Variants in JADE2 observed in about 807,000 individuals in gnomAD.
The protein encoded by JADE2 is E3 ubiquitin-protein ligase Jade-2.
JADE2 carries 13 observed loss-of-function variants against 85.7 expected under a neutral mutation model. The observed-to-expected ratio is 0.15, with a 90% CI of 0.10 to 0.24. The LOEUF (loss-of-function observed/expected upper bound fraction) is 0.24, where lower values mean the gene tolerates loss of function less well. JADE2 is among the 10% of genes least tolerant of loss of function. The probability of loss-of-function intolerance (pLI) is 1.00; values close to 1 mark genes in which losing one functional copy is unlikely to be tolerated. For synonymous variants in JADE2, 440 were observed against 456.1 expected (o/e 0.96, Z 0.45); for missense variants, 846 against 1,115.9 (o/e 0.76, Z 3.45).
intron 3 of JADE2, among the ~76,000 whole-genome samples, chr5:134,539,953 C>T (rs1279228473): frequency 1.3e-5 from 2 of 152,204 alleles, no homozygotes; most frequent in Non-Finnish European, 2.9e-5. Context: ...ATCCCCCAAG[C>T]CTGACTTCCA....
chr5:134,561,086 A>G, intron 6 of JADE2, 129 bp downstream of exon 6: 1 of 769,342 alleles, frequency 1.3e-6, no homozygotes. Flanking sequence ...GGGAATGGTG[A>G]GGATGCTTCA....
intron 1 of JADE2, among the ~76,000 whole-genome samples, chr5:134,527,168 G>A (rs1315567949): frequency 4.1e-5 from 2 of 48,700 alleles, no homozygotes; most frequent in Non-Finnish European, 7.9e-5. Context: ...GCCCCGCCCC[G>A]CCCCCGGCAG....
intron 7 of JADE2, among the ~76,000 whole-genome samples, chr5:134,563,866 G>T (rs2149984762): frequency 6.6e-6 from 1 of 152,266 alleles, no homozygotes; most frequent in East Asian, 1.9e-4. Flanking sequence ...TCCATCCTCA[G>T]GCATTAGCAA....
intron 1 of JADE2, chr5:134,526,304 C>A: frequency 6.1e-6 from 6 of 985,300 alleles, no homozygotes; most frequent in Non-Finnish European, 6.0e-6. Context: ...TGGCGACCTT[C>A]TTTATTAATG....
chr5:134,539,081 A>G (rs1252629856), intron 3 of JADE2, among the ~76,000 whole-genome samples: 1 of 47,740 alleles, frequency 2.1e-5, no homozygotes, highest in African/African-American at 7.8e-5. Flanking sequence ...ATTTATTTTG[A>G]GATGGAGTCT....
Position 134,578,418 on chromosome 5 carries a change from G to A in JADE2, c.1682-76G>A. 2 of 1,094,390 alleles carry A rather than the reference G, an allele frequency of 1.8e-6. No individual in the cohort carries two copies. The highest frequency in any genetic ancestry group is 2.9e-5 in the South Asian group (2 of 67,992). The allele number at this position is 1,094,390 out of a possible 1,614,324, so 67.8% of individuals were successfully genotyped here. The stretch of plus-strand genomic sequence containing the variant: ...AGAAGACGATGCCTGGTGGTGTGCT[G>A]GGAGCGTCAGTGGGCTTCCTGAAAG... On this transcript the variant is annotated intron_variant, in intron 11 of 11. Coordinates refer to ENST00000681547, the MANE Select transcript of JADE2 (RefSeq NM_001388185.1). This position sits in a 1 kb window ranked among gnomAD's most constrained non-coding sequence, Gnocchi z 4.4.
upstream of JADE2, among the ~76,000 whole-genome samples, chr5:134,525,364 G>T (rs900950326): frequency 6.6e-6 from 1 of 151,946 alleles, no homozygotes; most frequent in African/African-American, 2.4e-5. Flanking sequence ...CGGGCTAGGG[G>T]CGCCCCAGAG....
In JADE2 at chr5:134,582,197, T is replaced by C. The variant is rs1764744759; in HGVS notation, c.*2880T>C. 6.6e-6 allele frequency: 1 copy of C among 152,284 alleles called. No individual in the cohort carries two copies. Among genetic ancestry groups the C allele is most frequent in the African/African-American group, 2.4e-5 (1 of 41,466 alleles). 9.4% of individuals were successfully genotyped at this position (152,284 alleles called of 1,614,324 possible). A position where few individuals can be genotyped will look rare whatever the true frequency, so the allele number is the denominator to read the frequency against. ...ATAATGTGCAAGAAAAGTATTTTTA[T>C]GTATCATAAATGTATTTTGAAACAA... is the stretch of plus-strand genomic sequence containing the variant. On this transcript the variant is annotated 3_prime_UTR_variant, in exon 12 of 12. Coordinates refer to ENST00000681547, the MANE Select transcript of JADE2 (RefSeq NM_001388185.1).
At chr5:134,529,076 C>T (rs752909617) in intron 1 of JADE2, among the ~76,000 whole-genome samples, 40 of 152,298 alleles carry the variant, frequency 2.6e-4, no homozygotes, top group Admixed American at 1.9e-3. Flanking sequence ...GCAGGGTGTT[C>T]TGGCTCTAAC....
At chr5:134,573,491 T>C (rs1006287864) in intron 9 of JADE2, among the ~76,000 whole-genome samples, 154 bp from the exon 10 acceptor site, 6 of 151,924 alleles carry the variant, frequency 3.9e-5, no homozygotes, top group African/African-American at 1.5e-4. Flanking sequence ...GCGCTCAGGG[T>C]CTGGGAATTG....
chr5:134,558,806 G>A (rs2149966932), intron 4 of JADE2, among the ~76,000 whole-genome samples: 1 of 152,370 alleles, frequency 6.6e-6, no homozygotes, highest in East Asian at 1.9e-4. Context: ...CCAAAATGCT[G>A]GGATTACAGG....
intron 8 of JADE2, among the ~76,000 whole-genome samples, chr5:134,564,886 T>G (rs4958191): frequency 0.31 from 47,327 of 152,052 alleles, 7,659 homozygotes; most frequent in African/African-American, 0.38. Flanking sequence ...AGCAAGTGTC[T>G]TGGGGCTTGA....
At chr5:134,573,922 C>T (rs955876563) in intron 10 of JADE2, 160 bp downstream of exon 10, 4 of 710,650 alleles carry the variant, frequency 5.6e-6, no homozygotes, top group Non-Finnish European at 7.7e-6. Flanking sequence ...TTAGTAGGCC[C>T]AGACGGGGGC....
chr5:134,560,032 G>A, intron 5 of JADE2, 42 bp downstream of exon 5: 2 of 1,610,452 alleles, frequency 1.2e-6, no homozygotes, highest in South Asian at 1.1e-5. Context: ...CGGCTGGGCA[G>A]GGAGGGTTTT....
rs1231329590 is a variant in JADE2, at chr5:134,579,236, G to A, written c.2424G>A (p.Glu808=). The change falls in exon 12 of 12, where the codon GAG becomes GAA. Residue 808 remains glutamate, a synonymous_variant. Coordinates refer to ENST00000681547, the MANE Select transcript of JADE2 (RefSeq NM_001388185.1). This position sits in a 1 kb window ranked among gnomAD's most constrained non-coding sequence, Gnocchi z 4.6. ...GGGAGATGAGCGACTCAGATGTAGA[G>A]GCCGAGGACGGTGGGGTGCAGCGGG... ...SDGEMSDSDV[E]AEDGGVQRGP... 1 of 1,614,082 alleles carries A rather than the reference G, an allele frequency of 6.2e-7. No individual in the cohort carries two copies. The highest frequency in any genetic ancestry group is 2.2e-5 in the East Asian group (1 of 44,878).
chr5:134,533,366 C>A (rs1435601654), intron 1 of JADE2, among the ~76,000 whole-genome samples: 1 of 152,126 alleles, frequency 6.6e-6, no homozygotes. Flanking sequence ...ACTCAGTTGC[C>A]AACATTTTAA....
At chr5:134,558,758 G>A (rs1019603267) in intron 4 of JADE2, among the ~76,000 whole-genome samples, 11 of 152,182 alleles carry the variant, frequency 7.2e-5, no homozygotes, top group South Asian at 2.1e-4. Context: ...GGCTGGTCTC[G>A]AACTCCTCAT....
chr5:134,569,314 A>G (rs1763846695), intron 9 of JADE2, among the ~76,000 whole-genome samples: 1 of 152,172 alleles, frequency 6.6e-6, no homozygotes, highest in Non-Finnish European at 1.5e-5. Context: ...ATCCTCCCAG[A>G]TTGATTCGTT....
At chr5:134,544,864 T>C (rs1211029050) in intron 3 of JADE2, among the ~76,000 whole-genome samples, 2 of 152,056 alleles carry the variant, frequency 1.3e-5, no homozygotes, top group Non-Finnish European at 2.9e-5. Flanking sequence ...GCTCAACCCA[T>C]GCTTTTAAAA....
Sources: gnomAD v4.1 joint callset for allele counts (sites outside exome capture counted in the v4.1 genomes callset) on GRCh38, gnomAD v4.1.1 for gene constraint, Gnocchi (gnomAD v3.1) non-coding constraint, MANE v1.5 for transcripts, NCBI Gene and HGNC (gene_info 2026-07-23, HGNC 2026-07-21) for gene names.